The following AMBRA1 variants were observed in gnomAD, a reference collection of about 807,000 sequenced individuals.
AMBRA1 encodes the protein activating molecule in BECN1-regulated autophagy protein 1.
Under a neutral mutation model 125.4 loss-of-function variants are expected in AMBRA1, and 47 were observed. The observed-to-expected ratio is 0.37, with a 90% CI of 0.30 to 0.48. The LOEUF (loss-of-function observed/expected upper bound fraction) is 0.48. Among genes scored for constraint, AMBRA1 ranks in the 20% least tolerant of loss-of-function variants. The pLI is 0.99. For synonymous variants in AMBRA1, 626 were observed against 655.5 expected, an observed-to-expected ratio of 0.95 and a Z score of 0.69; for missense variants, 1,331 against 1,693.4, an observed-to-expected ratio of 0.79 and a Z score of 3.76.
intron 1 of AMBRA1, among the ~76,000 whole-genome samples, chr11:46,593,167 T>C (rs1017995625): frequency 6.6e-5 from 10 of 152,194 alleles, no homozygotes; most frequent in Non-Finnish European, 1.5e-4. Flanking sequence ...TAACAGTCTA[T>C]ATTCCTAGGA....
chr11:46,402,946 A>G (rs1324591558), intron 17 of AMBRA1, among the ~76,000 whole-genome samples: 4 of 152,244 alleles, frequency 2.6e-5, no homozygotes, highest in Admixed American at 6.5e-5. Context: ...GAGCTGGCAC[A>G]TTCTTCAAGA....
intron 1 of AMBRA1, among the ~76,000 whole-genome samples, chr11:46,578,145 A>C (rs1205203251): frequency 6.6e-6 from 1 of 152,084 alleles, no homozygotes; most frequent in Non-Finnish European, 1.5e-5. Flanking sequence ...AGGAGAACTA[A>C]AAAGGACAAT....
At chr11:46,481,246 GTGTAAT>G in intron 11 of AMBRA1, among the ~76,000 whole-genome samples, 1 of 152,268 alleles carries the variant, frequency 6.6e-6, no homozygotes, top group South Asian at 2.1e-4. Flanking sequence ...GATGGCAACA[GTGTAAT>G]TACCACTACA....
chr11:46,508,174 G>A lies in AMBRA1; in HGVS notation c.2339+17C>T, dbSNP rs1327923958. On this transcript the variant is annotated intron_variant, in intron 9 of 17. Transcript: ENST00000683756. ...CTTGAGAGGAGAGGGAAGAAAGCAAGCTGAGTATGTACTTACTCAAAGTCC... is the reference window on the plus strand; with the variant it reads ...CTTGAGAGGAGAGGGAAGAAAGCAAACTGAGTATGTACTTACTCAAAGTCC... The A allele has an allele frequency of 1.2e-6, 2 of 1,613,300 alleles. No individual in the cohort carries two copies.
chr11:46,462,405 C>T (rs1302216834), intron 11 of AMBRA1, among the ~76,000 whole-genome samples: 1 of 152,228 alleles, frequency 6.6e-6, no homozygotes, highest in Non-Finnish European at 1.5e-5. Flanking sequence ...CTTTACTCTC[C>T]TCACGTCTGT....
chr11:46,431,206 T>C (rs1352105227), intron 14 of AMBRA1, among the ~76,000 whole-genome samples: 1 of 152,186 alleles, frequency 6.6e-6, no homozygotes, highest in East Asian at 1.9e-4. Context: ...CAGGAACACT[T>C]CCCAAATGGG....
chr11:46,503,248 G>A (rs921435178), intron 9 of AMBRA1, among the ~76,000 whole-genome samples: 1 of 151,986 alleles, frequency 6.6e-6, no homozygotes, highest in Non-Finnish European at 1.5e-5. Context: ...ACATACAGAG[G>A]TCACTATAGG....
intron 7 of AMBRA1, among the ~76,000 whole-genome samples, chr11:46,529,323 G>A (rs1040354630): frequency 6.6e-6 from 1 of 152,188 alleles, no homozygotes; most frequent in Non-Finnish European, 1.5e-5. Flanking sequence ...GGAAACAGAG[G>A]AGGAGTTTGT....
At chr11:46,398,051 A>C in intron 17 of AMBRA1, 108 bp from the exon 18 acceptor site, 1 of 1,396,526 alleles carries the variant, frequency 7.2e-7, no homozygotes, top group South Asian at 1.4e-5. Flanking sequence ...TAAACGCAGG[A>C]TAGAGAAAGA....
In AMBRA1 at chr11:46,397,576, A is replaced by G. The variant is rs61733783; in HGVS notation, c.3771T>C (p.Pro1257=). ...GTCCCTCAGCGCTGGGAAGGGAAAC[A>G]GGAATGGGGACAGGGGAGGAAGAGG... ...TLPSSSPVPI[P]VSLPSAEGPT... The change falls in exon 18 of 18, where the codon CCT becomes CCC. Residue 1257 remains proline, a synonymous_variant. Transcript: ENST00000683756. 3.2e-6 allele frequency: 5 copies of G among 1,584,166 alleles called. No homozygotes were observed. The highest frequency in any genetic ancestry group is 3.4e-6 in the Non-Finnish European group (4 of 1,163,002).
chr11:46,590,844 T>G (rs1256121723), intron 1 of AMBRA1, among the ~76,000 whole-genome samples: 33 of 147,664 alleles, frequency 2.2e-4, no homozygotes, highest in African/African-American at 8.3e-4. Flanking sequence ...ATCCGGGAAG[T>G]GGAGGTTGCA....
At position 46,410,376 on chromosome 11, in the gene AMBRA1, TC is replaced by T. The variant is rs1946228930; in HGVS notation, c.3117-9del. 1 of 1,612,782 alleles carries T rather than the reference TC, an allele frequency of 6.2e-7. No homozygotes were observed. Among genetic ancestry groups the T allele is most frequent in the African/African-American group, 1.3e-5 (1 of 74,852 alleles). On this transcript the variant is annotated splice_polypyrimidine_tract_variant and intron_variant, in intron 15 of 17. Coordinates refer to ENST00000683756, the MANE Select transcript of AMBRA1 (RefSeq NM_001387011.1). ...ACACCAGAGTTTAAGGCCCTAAAAA[TC>T]AGTTGGGAAGGGTAAAGAAGAAGGT...
At position 46,583,081 on chromosome 11, in the gene AMBRA1, C is replaced by T. The variant is rs530760679; in HGVS notation, c.-121+10747G>A. The stretch of plus-strand genomic sequence containing the variant: ...CAAAAGAACAAAGCTGGAGGCATCA[C>T]GCTACCTGACTTCAAACTATACTAC... On this transcript the variant is annotated intron_variant, in intron 1 of 17. Transcript: ENST00000683756. 2.2e-4 allele frequency among the ~76,000 whole-genome samples: 33 copies of T among 152,222 alleles called. No individual in the cohort carries two copies. The South Asian group carries it at 3.3e-3, about 15-fold the overall frequency.
At chr11:46,577,488 C>G (rs927165506) in intron 1 of AMBRA1, among the ~76,000 whole-genome samples, 1 of 152,046 alleles carries the variant, frequency 6.6e-6, no homozygotes, top group African/African-American at 2.4e-5. Flanking sequence ...AACTGCTTAA[C>G]TGGTAAGGGG....
At chr11:46,574,576 A>G (rs368751462) in intron 1 of AMBRA1, among the ~76,000 whole-genome samples, 65 of 152,248 alleles carry the variant, frequency 4.3e-4, no homozygotes, top group African/African-American at 1.5e-3. Flanking sequence ...GCCCTTTGTC[A>G]GATGAGTAGG....
chr11:46,517,474 T>TG (rs1311753548), intron 7 of AMBRA1, among the ~76,000 whole-genome samples: 3 of 140,658 alleles, frequency 2.1e-5, no homozygotes, highest in African/African-American at 8.2e-5. Context: ...AATAAGGTTT[T>TG]TTTTTTTTTT....
At chr11:46,507,071 G>A (rs1444694583) in intron 9 of AMBRA1, among the ~76,000 whole-genome samples, 4 of 149,898 alleles carry the variant, frequency 2.7e-5, no homozygotes, top group African/African-American at 9.9e-5. Context: ...CAGCTACTCC[G>A]GAGGCTGAGG....
chr11:46,441,310 T>A (rs1031403596), intron 12 of AMBRA1, among the ~76,000 whole-genome samples: 20 of 152,240 alleles, frequency 1.3e-4, no homozygotes, highest in African/African-American at 3.6e-4. Context: ...GGTCAGGAGT[T>A]CGAGACCAGC....
intron 11 of AMBRA1, among the ~76,000 whole-genome samples, chr11:46,469,413 G>A (rs1053261836): frequency 6.6e-6 from 1 of 151,954 alleles, no homozygotes; most frequent in African/African-American, 2.4e-5. Context: ...ACAACAGACT[G>A]TAAAAGAAAC....
Sources: gnomAD v4.1 joint callset for allele counts (sites outside exome capture counted in the v4.1 genomes callset) on GRCh38, gnomAD v4.1.1 for gene constraint, MANE v1.5 for transcripts, NCBI Gene and HGNC (gene_info 2026-07-23, HGNC 2026-07-21) for gene names.